ANKS1B: variants seen among roughly 807,000 people sequenced by gnomAD.
ANKS1B encodes the protein ankyrin repeat and sterile alpha motif domain-containing protein 1B.
Under a neutral mutation model 148.3 loss-of-function variants are expected in ANKS1B, and 36 were observed. That is an observed-to-expected ratio of 0.24 (90% CI 0.19 to 0.32). The LOEUF (loss-of-function observed/expected upper bound fraction) is 0.32. Ranked by LOEUF, ANKS1B falls within the 10% of genes least tolerant of loss-of-function variation. The pLI, the probability that ANKS1B is intolerant of heterozygous loss-of-function variation, is 1.00. For synonymous variants in ANKS1B, 542 were observed against 560.8 expected, an observed-to-expected ratio of 0.97 and a Z score of 0.47; for missense variants, 1,157 against 1,542.6, an observed-to-expected ratio of 0.75 and a Z score of 4.19.
intron 16 of ANKS1B, among the ~76,000 whole-genome samples, chr12:99,073,230 A>G (rs75768145): frequency 0.022 from 3,424 of 152,306 alleles, 105 homozygotes; most frequent in African/African-American, 0.072. Context: ...AAACTTGCCC[A>G]TGGTCAGACA....
intron 12 of ANKS1B, among the ~76,000 whole-genome samples, chr12:99,303,081 A>G (rs1348745168): frequency 6.6e-6 from 1 of 152,018 alleles, no homozygotes; most frequent in African/African-American, 2.4e-5. Context: ...ACATCTGAAC[A>G]AAAGGCACAT....
chr12:99,671,571 G>T (rs1463361714), intron 8 of ANKS1B, among the ~76,000 whole-genome samples: 2 of 151,966 alleles, frequency 1.3e-5, no homozygotes, highest in Non-Finnish European at 2.9e-5. Flanking sequence ...GAAAGCAGTT[G>T]TTCAGTTACA....
At chr12:99,165,285 G>A (rs919795539) in intron 14 of ANKS1B, among the ~76,000 whole-genome samples, 2 of 151,772 alleles carry the variant, frequency 1.3e-5, no homozygotes, top group African/African-American at 4.8e-5. Flanking sequence ...AAAGATCAGA[G>A]GGGAAATAAA....
intron 25 of ANKS1B, among the ~76,000 whole-genome samples, chr12:98,759,676 G>C (rs897062116): frequency 6.6e-6 from 1 of 152,194 alleles, no homozygotes; most frequent in Non-Finnish European, 1.5e-5. Flanking sequence ...ATTCATTAAA[G>C]TGTTTAAATT....
intron 10 of ANKS1B, among the ~76,000 whole-genome samples, chr12:99,488,297 G>C (rs2096520540): frequency 6.6e-6 from 1 of 152,012 alleles, no homozygotes; most frequent in African/African-American, 2.4e-5. Context: ...TAATCTCTTT[G>C]TCTTTCATTA....
At chr12:99,026,047 C>A (rs943331392) in intron 17 of ANKS1B, among the ~76,000 whole-genome samples, 1 of 152,146 alleles carries the variant, frequency 6.6e-6, no homozygotes, top group Non-Finnish European at 1.5e-5. Flanking sequence ...GAATGTAATT[C>A]CAGTTTAGCT....
At chr12:98,955,165 G>A (rs150015401) in intron 17 of ANKS1B, among the ~76,000 whole-genome samples, 177 of 152,280 alleles carry the variant, frequency 1.2e-3, no homozygotes, top group African/African-American at 4.0e-3. Context: ...CTTAGAGGAC[G>A]ATAAGTACTG....
At chr12:98,917,734 G>C (rs2099796316) in intron 17 of ANKS1B, among the ~76,000 whole-genome samples, 1 of 152,208 alleles carries the variant, frequency 6.6e-6, no homozygotes, top group South Asian at 2.1e-4. Flanking sequence ...GGACCACTTA[G>C]TGAAGCAAAT....
chr12:99,167,983 T>C (rs2077355851), intron 14 of ANKS1B, among the ~76,000 whole-genome samples: 1 of 152,190 alleles, frequency 6.6e-6, no homozygotes, highest in East Asian at 1.9e-4. Context: ...TTATATAAAG[T>C]TCTAGAGAGT....
chr12:99,979,049 A>G (rs1404429804), intron 1 of ANKS1B, among the ~76,000 whole-genome samples: 1 of 152,124 alleles, frequency 6.6e-6, no homozygotes, highest in Non-Finnish European at 1.5e-5. Context: ...TTAGAATAAA[A>G]GGTAGTTGTG....
chr12:99,968,865 T>C (rs2095523340), intron 1 of ANKS1B, among the ~76,000 whole-genome samples: 1 of 152,106 alleles, frequency 6.6e-6, no homozygotes. Flanking sequence ...CTCTCTCTCT[T>C]GCCCCTGGTC....
intron 12 of ANKS1B, among the ~76,000 whole-genome samples, chr12:99,320,306 C>T (rs772589453): frequency 1.3e-5 from 2 of 152,230 alleles, no homozygotes; most frequent in Non-Finnish European, 2.9e-5. Context: ...TGGTTCTGTT[C>T]TCCCCGTCAC....
At chr12:99,882,313 CAGA>C (rs2092563555) in intron 1 of ANKS1B, among the ~76,000 whole-genome samples, 1 of 152,026 alleles carries the variant, frequency 6.6e-6, no homozygotes. Context: ...ATCCCAGTCC[CAGA>C]AGGAGAGAAG....
chr12:99,705,819 G>T (rs773243049), intron 8 of ANKS1B, among the ~76,000 whole-genome samples: 4 of 152,112 alleles, frequency 2.6e-5, no homozygotes, highest in Non-Finnish European at 5.9e-5. Flanking sequence ...GCTCAGGTGA[G>T]ATTCTTCAGA....
chr12:99,435,060 C>A (rs61940259), intron 11 of ANKS1B, among the ~76,000 whole-genome samples: 1,704 of 152,150 alleles, frequency 0.011, 18 homozygotes, highest in Non-Finnish European at 0.019. Flanking sequence ...CCTGGAATTT[C>A]ATCAAATGAA....
chr12:99,444,234 T>C (rs2095598273), intron 10 of ANKS1B, among the ~76,000 whole-genome samples: 1 of 151,996 alleles, frequency 6.6e-6, no homozygotes, highest in South Asian at 2.1e-4. Flanking sequence ...ATCTCCCTGA[T>C]GCATAAAATC....
At chr12:99,807,490 T>C (rs912809521) in intron 3 of ANKS1B, among the ~76,000 whole-genome samples, 2 of 152,140 alleles carry the variant, frequency 1.3e-5, no homozygotes, top group African/African-American at 4.8e-5. Context: ...TATAGGTATG[T>C]CAGGAGGTGG....
intron 17 of ANKS1B, among the ~76,000 whole-genome samples, chr12:99,026,684 C>G (rs1408773529): frequency 6.6e-6 from 1 of 152,174 alleles, no homozygotes; most frequent in Non-Finnish European, 1.5e-5. Flanking sequence ...AACTACTCTG[C>G]CATGTTACCT....
intron 1 of ANKS1B, among the ~76,000 whole-genome samples, chr12:99,947,255 C>A (rs374971911): frequency 5.2e-4 from 67 of 128,992 alleles, no homozygotes; most frequent in South Asian, 1.1e-3. Flanking sequence ...TAAAGTAATA[C>A]AAAAAAAAAA....
Sources: allele counts gnomAD v4.1 joint callset (sites outside exome capture counted in the v4.1 genomes callset), GRCh38; gene constraint gnomAD v4.1.1; transcripts MANE v1.5; gene names NCBI Gene and HGNC (gene_info 2026-07-23, HGNC 2026-07-21).